WLS: variants seen among roughly 807,000 people sequenced by gnomAD.
WLS encodes protein wntless homolog.
WLS carries 23 observed loss-of-function variants against 62.8 expected under a neutral mutation model. That is an observed-to-expected ratio of 0.37 (90% confidence interval 0.26 to 0.52). WLS has a LOEUF of 0.52. Among genes scored for constraint, WLS ranks in the 20% least tolerant of loss-of-function variants. WLS has a pLI of 0.92. For synonymous variants in WLS, 246 were observed against 244.1 expected, an observed-to-expected ratio of 1.01 and a Z score of -0.07; for missense variants, 615 against 697.3, an observed-to-expected ratio of 0.88 and a Z score of 1.33.
chr1:68,124,135 G>A (rs533413318), downstream of WLS, among the ~76,000 whole-genome samples: 13 of 152,264 alleles, frequency 8.5e-5, no homozygotes, highest in African/African-American at 3.1e-4. Flanking sequence ...TTCAAACCTT[G>A]TGCATTTTAT....
At chr1:68,101,077 A>G (rs1024138429) in intron 11 of WLS, among the ~76,000 whole-genome samples, 3 of 152,254 alleles carry the variant, frequency 2.0e-5, no homozygotes, top group Admixed American at 6.5e-5. Flanking sequence ...TGTCTGCTGG[A>G]GGCTATGCTT....
intron 7 of WLS, 72 bp from the exon 8 acceptor site, chr1:68,148,271 A>G (rs1340955110): frequency 6.6e-7 from 1 of 1,518,874 alleles, no homozygotes; most frequent in African/African-American, 1.4e-5. Flanking sequence ...CTTTTCACAT[A>G]TTCTTAGCTT....
chr1:68,148,564 T>C lies in WLS; in HGVS notation c.1069A>G (p.Arg357Gly). ...AGTGTCCCACAAACACTTGCTCACC[T>C]CTCACACATGTCAAATATGAAGAGG... Reference protein sequence around the residue: ...FCLFIFDMCERGVQLTNPFYS... With the variant: ...FCLFIFDMCEGGVQLTNPFYS... Residue 357 changes from arginine (R) to glycine (G), a missense_variant and splice_region_variant, in exon 7 of 12, where the codon AGA becomes GGA. Transcript: ENST00000262348. 6.2e-7 allele frequency: 1 copy of C among 1,613,904 alleles called. No individual in the cohort carries two copies. The highest frequency in any genetic ancestry group is 8.5e-7 in the Non-Finnish European group (1 of 1,179,930).
chr1:68,185,095 A>G (rs1557504867), intron 2 of WLS, among the ~76,000 whole-genome samples: 2 of 152,210 alleles, frequency 1.3e-5, no homozygotes, highest in Non-Finnish European at 2.9e-5. Flanking sequence ...CTTCCACAGC[A>G]GACATCAGCT....
At chr1:68,141,346 T>G (rs1570877467) in intron 10 of WLS, 1 of 152,120 alleles carries the variant, frequency 6.6e-6, no homozygotes, top group Non-Finnish European at 1.5e-5. Flanking sequence ...TTAATGAAGG[T>G]CGGTGACCTT....
chr1:68,226,150 GAGAA>G (rs1314299283), intron 1 of WLS, among the ~76,000 whole-genome samples: 18 of 152,276 alleles, frequency 1.2e-4, no homozygotes, highest in East Asian at 7.7e-4. Flanking sequence ...TTATAAAAAT[GAGAA>G]ATCAGTTTTA....
At chr1:68,229,972 A>C (rs941491757) in intron 1 of WLS, among the ~76,000 whole-genome samples, 12 of 152,320 alleles carry the variant, frequency 7.9e-5, no homozygotes, top group African/African-American at 2.6e-4. Flanking sequence ...GTCATTAACC[A>C]AATTCTTCGG....
intron 2 of WLS, among the ~76,000 whole-genome samples, chr1:68,186,199 T>TA (rs1402340394): frequency 5.3e-5 from 8 of 152,336 alleles, no homozygotes; most frequent in African/African-American, 1.9e-4. Flanking sequence ...CCAGCTTCTA[T>TA]AGTGTAAGTC....
rs542611320 is a variant in WLS at position 68,125,647 on chromosome 1, T to A, written c.*579A>T. 7 of 985,524 alleles carry A rather than the reference T, an allele frequency of 7.1e-6. No individual in the cohort carries two copies. The African/African-American group carries it at 1.0e-4, about 15-fold the overall frequency. 61.0% of individuals were successfully genotyped at this position (985,524 alleles called of 1,614,324 possible). On this transcript the variant is annotated 3_prime_UTR_variant, in exon 12 of 12. Transcript: ENST00000262348. ...TGAAATACCCCTGGTGGAATAAATC[T>A]TCTCATGAAATTCAGTTATATTATG...
At chr1:68,209,514 C>T (rs1649422261) in intron 1 of WLS, among the ~76,000 whole-genome samples, 2 of 152,276 alleles carry the variant, frequency 1.3e-5, no homozygotes, top group South Asian at 2.1e-4. Flanking sequence ...CACGTTGGCT[C>T]GTGCCTGTAA....
At chr1:68,112,742 C>A (rs1646244484) in intron 11 of WLS, among the ~76,000 whole-genome samples, 1 of 152,184 alleles carries the variant, frequency 6.6e-6, no homozygotes, top group South Asian at 2.1e-4. Flanking sequence ...GTATTGGGAA[C>A]CTTGATTGTT....
chr1:68,110,480 A>T (rs1443827319), intron 11 of WLS, among the ~76,000 whole-genome samples: 1 of 152,130 alleles, frequency 6.6e-6, no homozygotes, highest in Non-Finnish European at 1.5e-5. Context: ...TGCATTAAAT[A>T]AAAAACCAAA....
At chr1:68,164,197 G>A (rs1432660538) in intron 2 of WLS, among the ~76,000 whole-genome samples, 1 of 151,726 alleles carries the variant, frequency 6.6e-6, no homozygotes, top group East Asian at 1.9e-4. Context: ...AAAAAGAAAA[G>A]CAAAAGATAT....
At chr1:68,123,517 C>T (rs896703285), downstream of WLS, among the ~76,000 whole-genome samples, 5 of 151,848 alleles carry the variant, frequency 3.3e-5, no homozygotes, top group African/African-American at 9.7e-5. Flanking sequence ...TCTGCTGGAC[C>T]CCTCAGTTCT....
intron 2 of WLS, among the ~76,000 whole-genome samples, chr1:68,176,597 C>T (rs1647269077): frequency 6.6e-6 from 1 of 152,218 alleles, no homozygotes; most frequent in Non-Finnish European, 1.5e-5. Flanking sequence ...CAAGGCAACT[C>T]ACCTACCAGG....
chr1:68,228,171 A>G lies in WLS; in HGVS notation c.106+4023T>C, dbSNP rs78382594. ...TCACATAAGTTACCTTTTGGAAGAA[A>G]CAATGATCTTTTCTAAAGAAATAAT... On this transcript the variant is annotated intron_variant, in intron 1 of 11. Transcript: ENST00000262348. 8.4e-3 allele frequency: 3,350 copies of G among 400,594 alleles called. 108 individuals carry two copies. Among genetic ancestry groups the G allele is most frequent in the African/African-American group, 0.065 (3,088 of 47,738 alleles). 24.8% of individuals were successfully genotyped at this position (400,594 alleles called of 1,614,324 possible). A position where few individuals can be genotyped will look rare whatever the true frequency, so the allele number is the denominator to read the frequency against.
At chr1:68,172,719 T>C (rs1306268416) in intron 2 of WLS, among the ~76,000 whole-genome samples, 1 of 152,120 alleles carries the variant, frequency 6.6e-6, no homozygotes, top group African/African-American at 2.4e-5. Flanking sequence ...TACCAATGAA[T>C]TGCAGAATAG....
intron 1 of WLS, among the ~76,000 whole-genome samples, chr1:68,209,746 G>A (rs910343620): frequency 1.6e-4 from 24 of 151,760 alleles, no homozygotes; most frequent in Admixed American, 2.0e-4. Context: ...GCACAATTGC[G>A]CTCCAGCCTG....
intron 1 of WLS, among the ~76,000 whole-genome samples, chr1:68,230,532 A>C (rs1319802147): frequency 6.6e-6 from 1 of 151,928 alleles, no homozygotes; most frequent in Non-Finnish European, 1.5e-5. Flanking sequence ...ACGAGATTGC[A>C]TGTAGCCAAA....
Sources: allele counts gnomAD v4.1 joint callset (sites outside exome capture counted in the v4.1 genomes callset), GRCh38; gene constraint gnomAD v4.1.1; transcripts MANE v1.5; gene names NCBI Gene and HGNC (gene_info 2026-07-23, HGNC 2026-07-21).